The following MFSD11 variants were observed in gnomAD, a reference collection of about 807,000 sequenced individuals.
MFSD11 encodes UNC93-like protein MFSD11.
A neutral mutation model predicts 53.5 loss-of-function variants in MFSD11; 36 were observed. That is an observed-to-expected ratio of 0.67 (90% CI 0.52 to 0.89). The LOEUF is 0.89. Among genes scored for constraint, MFSD11 ranks in the 40% least tolerant of loss-of-function variants. MFSD11 has a pLI of 0.00. For synonymous variants in MFSD11, 186 were observed against 184.9 expected, an observed-to-expected ratio of 1.01 and a Z score of -0.05; for missense variants, 530 against 543.9, an observed-to-expected ratio of 0.97 and a Z score of 0.25.
Position 76,762,802 on chromosome 17 carries a change from G to C in MFSD11, c.683-4584G>C, listed in dbSNP as rs181163288. On this transcript the variant is annotated intron_variant, in intron 8 of 12. Transcript: ENST00000685175. ...CCCGAGTAGAAAGCAATTAAGCACC[G>C]GCGGGAAATCAAAGGTTAGCCTTAG... Among the ~76,000 whole-genome samples, 6 of 152,050 alleles carry C rather than the reference G, an allele frequency of 3.9e-5. No homozygotes were observed. In the East Asian group the frequency reaches 7.7e-4, roughly 20 times the overall value.
Position 76,776,353 on chromosome 17 carries a change from TA to T in MFSD11, c.1050-50del. The stretch of plus-strand genomic sequence containing the variant: ...TTGTGGGTGGGTTGCTTGTATATTT[TA>T]AATGGCTCTAGCAGATATTGCTCAT... On this transcript the variant is annotated intron_variant, in intron 11 of 12. Transcript: ENST00000685175. The surrounding 1 kb of genome is among the most constrained non-coding windows in gnomAD (Gnocchi z 4.2). 1.9e-6 allele frequency: 3 copies of T among 1,579,448 alleles called. No homozygotes were observed. The highest frequency in any genetic ancestry group is 1.7e-6 in the Non-Finnish European group (2 of 1,165,014).
chr17:76,736,782 C>A, upstream of MFSD11: 1 of 1,428,084 alleles, frequency 7.0e-7, no homozygotes. Flanking sequence ...TCCCGCGGTC[C>A]CCTCAGCCCC....
chr17:76,748,002 T>C (rs1037498082), intron 7 of MFSD11: 3 of 151,770 alleles, frequency 2.0e-5, no homozygotes, highest in African/African-American at 7.3e-5. Flanking sequence ...AAGTCCTTGT[T>C]CTTACGGGAC....
At chr17:76,737,695 G>T (rs538940595), upstream of MFSD11, 44 of 174,264 alleles carry the variant, frequency 2.5e-4, 2 homozygotes, top group South Asian at 7.4e-3. Context: ...TTGCTCAGCC[G>T]TCAGCCCCGT....
chr17:76,749,225 G>C (rs60667045), intron 7 of MFSD11, among the ~76,000 whole-genome samples: 5,961 of 152,168 alleles, frequency 0.039, 402 homozygotes, highest in African/African-American at 0.13. Flanking sequence ...GGATGAATGT[G>C]ATGGCCCATG....
intron 8 of MFSD11, among the ~76,000 whole-genome samples, chr17:76,755,812 A>ATATTTTTTT (rs1555669398): frequency 1.0e-4 from 2 of 19,542 alleles, no homozygotes; most frequent in African/African-American, 3.3e-4. Context: ...ATATATATAT[A>ATATTTTTTT]TTTTTTTTTT....
At chr17:76,761,174 C>G (rs185204913) in intron 8 of MFSD11, among the ~76,000 whole-genome samples, 1 of 152,244 alleles carries the variant, frequency 6.6e-6, no homozygotes. Context: ...TGTTGTGCTG[C>G]AGCCTGGGTG....
the MFSD11 span, among the ~76,000 whole-genome samples, chr17:76,787,287 C>T: frequency 6.8e-6 from 1 of 147,480 alleles, no homozygotes; most frequent in Admixed American, 6.7e-5. Flanking sequence ...AGGCGCCCGC[C>T]ACCACGCCCA....
intron 8 of MFSD11, among the ~76,000 whole-genome samples, chr17:76,759,165 C>T (rs2079944132): frequency 6.6e-6 from 1 of 152,130 alleles, no homozygotes; most frequent in Admixed American, 6.5e-5. Flanking sequence ...GAGGCAGGAG[C>T]ATCAGTTGAG....
rs752716133 is a variant in MFSD11 at position 76,744,415 on chromosome 17, A to G, written c.590A>G (p.Asn197Ser). The change falls in exon 7 of 13, where the codon AAT (asparagine) becomes AGT (serine). Residue 197 changes from asparagine (N) to serine (S), a missense_variant. Coordinates refer to ENST00000685175, the MANE Select transcript of MFSD11 (RefSeq NM_001242532.5). ...CTCATTCGGAAACCAGATTCTGAAA[A>G]TGTCCTAGGAGAAGATGAGTCTTCT... Reference protein sequence around the residue: ...FFLIRKPDSENVLGEDESSDD... With the variant: ...FFLIRKPDSESVLGEDESSDD... 4.3e-6 allele frequency: 7 copies of G among 1,614,178 alleles called. No homozygotes were observed. Among genetic ancestry groups the G allele is most frequent in the Non-Finnish European group, 5.9e-6 (7 of 1,180,006 alleles).
intron 7 of MFSD11, 76 bp downstream of exon 7, chr17:76,744,542 T>A: frequency 7.3e-7 from 1 of 1,364,842 alleles, no homozygotes; most frequent in Non-Finnish European, 1.0e-6. Context: ...ACCAACCCGT[T>A]TAGCCCTAAC....
At chr17:76,787,894 C>T in the MFSD11 span, among the ~76,000 whole-genome samples, 1 of 150,034 alleles carries the variant, frequency 6.7e-6, no homozygotes, top group Non-Finnish European at 1.5e-5. Flanking sequence ...GACTCTGTAG[C>T]AATAAGATAC....
rs763350082 is a variant in MFSD11 at position 76,744,396 on chromosome 17, C to T, written c.571C>T (p.Arg191Trp). 40 of 1,614,014 alleles carry T rather than the reference C, an allele frequency of 2.5e-5. No homozygotes were observed. In the Middle Eastern group the frequency reaches 9.9e-4, roughly 40 times the overall value. ...GGGGACAGTTCTATTCTTTCTCATTCGGAAACCAGATTCTGAAAATGTCCT... is the reference window on the plus strand; with the variant it reads ...GGGGACAGTTCTATTCTTTCTCATTTGGAAACCAGATTCTGAAAATGTCCT... ...LVGTVLFFLIRKPDSENVLGE... is the reference protein window; with the variant it reads ...LVGTVLFFLIWKPDSENVLGE... The change falls in exon 7 of 13, where the codon CGG (arginine) becomes TGG (tryptophan). Residue 191 changes from arginine (R) to tryptophan (W), a missense_variant. Transcript: ENST00000685175.
chr17:76,777,182 G>A (rs1307740883), intron 12 of MFSD11, among the ~76,000 whole-genome samples: 1 of 151,890 alleles, frequency 6.6e-6, no homozygotes, highest in Non-Finnish European at 1.5e-5. Flanking sequence ...GCAGGAGAAT[G>A]GTGTGAACCC....
chr17:76,792,875 G>T, the MFSD11 span, among the ~76,000 whole-genome samples: 1 of 151,456 alleles, frequency 6.6e-6, no homozygotes, highest in East Asian at 1.9e-4. Context: ...ACAAAAGAGA[G>T]AAATTTTAAA....
At chr17:76,766,190 G>GT (rs1237485446) in intron 8 of MFSD11, among the ~76,000 whole-genome samples, 1 of 151,646 alleles carries the variant, frequency 6.6e-6, no homozygotes, top group Non-Finnish European at 1.5e-5. Flanking sequence ...GCCGAGGTGG[G>GT]TGGATCACCT....
At chr17:76,785,754 A>G (rs943791832), downstream of MFSD11, among the ~76,000 whole-genome samples, 4 of 151,892 alleles carry the variant, frequency 2.6e-5, no homozygotes, top group Non-Finnish European at 5.9e-5. Flanking sequence ...ACACTTCAAA[A>G]TGGTTAAGAT....
intron 5 of MFSD11, among the ~76,000 whole-genome samples, chr17:76,743,142 C>T (rs2078249504): frequency 6.6e-6 from 1 of 152,076 alleles, no homozygotes; most frequent in Admixed American, 6.6e-5. Context: ...CAAAGTGAGT[C>T]AATTCTTCTT....
intron 8 of MFSD11, among the ~76,000 whole-genome samples, chr17:76,756,968 T>G (rs992299451): frequency 2.6e-5 from 4 of 152,164 alleles, no homozygotes; most frequent in Non-Finnish European, 5.9e-5. Context: ...TGATGGCACT[T>G]GACATTTCTT....
Sources: allele counts gnomAD v4.1 joint callset (sites outside exome capture counted in the v4.1 genomes callset), GRCh38; gene constraint gnomAD v4.1.1; non-coding constraint Gnocchi (gnomAD v3.1); transcripts MANE v1.5; gene names NCBI Gene and HGNC (gene_info 2026-07-23, HGNC 2026-07-21).